The following CNOT7 variants were observed in gnomAD, a reference collection of about 807,000 sequenced individuals.
CNOT7 encodes BTG1-binding factor 1.
Under a neutral mutation model 37.1 loss-of-function variants are expected in CNOT7, and 4 were observed. The observed-to-expected ratio is 0.11, with a 90% CI of 0.05 to 0.25. The LOEUF (loss-of-function observed/expected upper bound fraction) is 0.25. Ranked by LOEUF, CNOT7 falls within the 10% of genes least tolerant of loss-of-function variation. The probability of loss-of-function intolerance (pLI) is 1.00; values close to 1 mark genes in which losing one functional copy is unlikely to be tolerated. For missense variants in CNOT7, 170 were observed against 336.2 expected (o/e 0.51, Z 3.87); for synonymous variants, 128 against 115.6 (o/e 1.11, Z -0.69).
intron 1 of CNOT7, chr8:17,245,987 A>T (rs1327113205): frequency 1.3e-5 from 2 of 151,978 alleles, no homozygotes; most frequent in African/African-American, 4.8e-5. Flanking sequence ...AGAGGGTCTT[A>T]TGACTGTCTT....
chr8:17,237,411 C>G (rs776697418), intron 3 of CNOT7, 38 bp from the exon 4 acceptor site: 10 of 1,597,852 alleles, frequency 6.3e-6, no homozygotes, highest in Non-Finnish European at 8.6e-6. Flanking sequence ...TCAAACATGC[C>G]ATTACTTCAA....
In CNOT7 at chr8:17,234,693, GATA is replaced by G; in HGVS notation, c.618+20_618+22del. 6.2e-7 allele frequency: 1 copy of G among 1,612,908 alleles called. No individual in the cohort carries two copies. The highest frequency in any genetic ancestry group is 8.5e-7 in the Non-Finnish European group (1 of 1,179,044). The stretch of plus-strand genomic sequence containing the variant: ...TTGGTCTGAACAGTGTGCTGCTGTA[GATA>G]ATGCCATCCGAAGCCTTACTTTGAG... On this transcript the variant is annotated intron_variant, in intron 5 of 6. Coordinates refer to ENST00000361272, the MANE Select transcript of CNOT7 (RefSeq NM_013354.7).
At position 17,246,698 on chromosome 8, in the gene CNOT7, T is replaced by C. The variant is rs1389888083; in HGVS notation, c.-119A>G. ...ACTTGTGTCGCTGAGCTCGCGCTCC[T>C]CCTCCTCCTCCTCGCCATAGAGACA... On this transcript the variant is annotated 5_prime_UTR_variant, in exon 1 of 7. Transcript: ENST00000361272. The C allele has an allele frequency of 5.7e-6, 1 of 176,716 alleles. No homozygotes were observed. The highest frequency in any genetic ancestry group is 1.2e-5 in the Non-Finnish European group (1 of 82,848). The allele number at this position is 176,716 out of a possible 1,614,324, so 10.9% of individuals were successfully genotyped here. A position where few individuals can be genotyped will look rare whatever the true frequency, so the allele number is the denominator to read the frequency against.
At chr8:17,232,101 C>T (rs998581261) in intron 6 of CNOT7, 5 of 981,336 alleles carry the variant, frequency 5.1e-6, no homozygotes, top group Non-Finnish European at 6.3e-6. Context: ...CTGGAGTTCT[C>T]CCACTAGTAA....
chr8:17,246,810 G>C lies in CNOT7; in HGVS notation c.-231C>G, dbSNP rs894781318. 1 of 210,400 alleles carries C rather than the reference G, an allele frequency of 4.8e-6. No individual in the cohort carries two copies. 13.0% of individuals were successfully genotyped at this position (210,400 alleles called of 1,614,324 possible). On this transcript the variant is annotated 5_prime_UTR_variant, in exon 1 of 7. Coordinates refer to ENST00000361272, the MANE Select transcript of CNOT7 (RefSeq NM_013354.7). ...ACACCTCTCGCCCAGCGAAGGGAAAGGCGAGCAGGAGCTGCGCCGCACCGT... is the reference window on the plus strand; with the variant it reads ...ACACCTCTCGCCCAGCGAAGGGAAACGCGAGCAGGAGCTGCGCCGCACCGT...
Position 17,243,110 on chromosome 8 carries a change from A to G in CNOT7, c.193T>C (p.Leu65=), listed in dbSNP as rs201626885. 27 of 1,611,774 alleles carry G rather than the reference A, an allele frequency of 1.7e-5. No homozygotes were observed. In the East Asian group the frequency reaches 2.5e-4, roughly 15 times the overall value. The change falls in exon 3 of 7, where the codon TTG becomes CTG. Residue 65 remains leucine (L), a synonymous_variant. Transcript: ENST00000361272. ...TTTAACAAGTCTACATTACACCGCA[A>G]TAGTTGGTATTGATAGTCAGCATTG... ...RSNADYQYQL[L]RCNVDLLKII... is the part of the protein sequence containing the mutation.
At position 17,226,071 on chromosome 8, in the gene CNOT7, C is replaced by CAA. The variant is rs1293588695; in HGVS notation, c.*4647_*4648dup. On this transcript the variant is annotated 3_prime_UTR_variant, in exon 7 of 7. Transcript: ENST00000361272. ...TTTTTTTTTTGAAAAGGGCAGGTAGCAAATATTAGAGGCTTTGCAAGCTAA... is the reference window on the plus strand; with the variant it reads ...TTTTTTTTTTGAAAAGGGCAGGTAGCAAAAATATTAGAGGCTTTGCAAGCTAA... The CAA allele has an allele frequency of 9.4e-6, 1 of 106,364 alleles. No individual in the cohort carries two copies. Among genetic ancestry groups the CAA allele is most frequent in the Non-Finnish European group, 1.8e-5 (1 of 56,952 alleles). The allele number at this position is 106,364 out of a possible 1,614,324, so 6.6% of individuals were successfully genotyped here.
chr8:17,244,790 A>C (rs1310704045), intron 2 of CNOT7: 4 of 398,788 alleles, frequency 1.0e-5, no homozygotes, highest in African/African-American at 6.2e-5. Context: ...CCTAACTCTT[A>C]TTCAAACGGC....
intron 3 of CNOT7, 138 bp from the exon 4 acceptor site, chr8:17,237,511 T>C (rs1809539326): frequency 3.0e-6 from 2 of 660,314 alleles, no homozygotes; most frequent in South Asian, 4.6e-5. Context: ...ATGCTTTATA[T>C]ATATGCAAGA....
In CNOT7 at chr8:17,230,620, G is replaced by C; in HGVS notation, c.*100C>G. ...CAATAAAATGGGCCATGAAAGGGGG[G>C]GGAAAGGTACTGTCTATTGTTCGAG... On this transcript the variant is annotated 3_prime_UTR_variant, in exon 7 of 7. Transcript: ENST00000361272. The C allele has an allele frequency of 2.0e-6, 2 of 986,788 alleles. No homozygotes were observed. The highest frequency in any genetic ancestry group is 2.8e-6 in the Non-Finnish European group (2 of 705,726). The allele number at this position is 986,788 out of a possible 1,614,324, so 61.1% of individuals were successfully genotyped here.
intron 3 of CNOT7, chr8:17,242,567 G>A (rs555570290): frequency 6.5e-6 from 1 of 153,876 alleles, no homozygotes; most frequent in African/African-American, 2.4e-5. Flanking sequence ...CGTACCCAAG[G>A]TTCCAGAAAA....
rs1019471883 is a variant in CNOT7, at chr8:17,229,444, T to C, written c.*1276A>G. The C allele has an allele frequency of 6.6e-6, 1 of 152,298 alleles. No individual in the cohort carries two copies. The highest frequency in any genetic ancestry group is 2.4e-5 in the African/African-American group (1 of 41,400). 9.4% of individuals were successfully genotyped at this position (152,298 alleles called of 1,614,324 possible). A position where few individuals can be genotyped will look rare whatever the true frequency, so the allele number is the denominator to read the frequency against. ...AAGTGTAGGTAACACACATTATAAC[T>C]TGTAGTCCATCATTTCGGGGTAGAG... On this transcript the variant is annotated 3_prime_UTR_variant, in exon 7 of 7. Coordinates refer to ENST00000361272, the MANE Select transcript of CNOT7 (RefSeq NM_013354.7).
rs1242268903 is a variant in CNOT7, at chr8:17,235,823, GATAA to G, written c.474-967_474-964del. The stretch of plus-strand genomic sequence containing the variant: ...TTAATGGAATAAAATCTTCTATCTT[GATAA>G]ATATTCAAATATATCAGTCTAACTT... On this transcript the variant is annotated intron_variant, in intron 4 of 6. Transcript: ENST00000361272. Among the ~76,000 whole-genome samples, 5 of 152,268 alleles carry G rather than the reference GATAA, an allele frequency of 3.3e-5. No homozygotes were observed. The East Asian group carries it at 5.8e-4, about 18-fold the overall frequency.
rs1238136554 is a variant in CNOT7 at position 17,228,376 on chromosome 8, G to C, written c.*2344C>G. On this transcript the variant is annotated 3_prime_UTR_variant, in exon 7 of 7. Transcript: ENST00000361272. ...GAACAAAATAAAAAAGTAAAACTTAGACCCAGTAAAAGTCAAAATGTTCCT... is the reference window on the plus strand; with the variant it reads ...GAACAAAATAAAAAAGTAAAACTTACACCCAGTAAAAGTCAAAATGTTCCT... The C allele has an allele frequency of 6.6e-6, 1 of 151,826 alleles. No homozygotes were observed. The allele number at this position is 151,826 out of a possible 1,614,324, so 9.4% of individuals were successfully genotyped here.
intron 2 of CNOT7, chr8:17,243,690 A>G (rs1280897160): frequency 2.2e-6 from 1 of 455,410 alleles, no homozygotes; most frequent in Admixed American, 2.4e-5. Context: ...AGTCCACAGA[A>G]AGCATGCTGT....
intron 4 of CNOT7, among the ~76,000 whole-genome samples, chr8:17,236,925 C>G (rs181203036): frequency 6.6e-6 from 1 of 152,128 alleles, no homozygotes; most frequent in Non-Finnish European, 1.5e-5. Flanking sequence ...CTGGGTAACA[C>G]CAATTCCAAA....
rs1808123451 is a variant in CNOT7 at position 17,225,968 on chromosome 8, G to A, written c.*4752C>T. 9.3e-6 allele frequency: 1 copy of A among 107,900 alleles called. No individual in the cohort carries two copies. The highest frequency in any genetic ancestry group is 1.7e-5 in the Non-Finnish European group (1 of 59,514). 6.7% of individuals were successfully genotyped at this position (107,900 alleles called of 1,614,324 possible). ...AGCCACTGCATTTGGCAATGCAGAT[G>A]AAATAGCAAACAGGACAGACATAGA... On this transcript the variant is annotated 3_prime_UTR_variant, in exon 7 of 7. Transcript: ENST00000361272.
chr8:17,239,218 A>T, intron 3 of CNOT7, among the ~76,000 whole-genome samples: 1 of 151,952 alleles, frequency 6.6e-6, no homozygotes, highest in East Asian at 1.9e-4. Context: ...ATGCCTGGCT[A>T]ATTTTTCTAT....
intron 3 of CNOT7, among the ~76,000 whole-genome samples, chr8:17,240,414 G>C (rs1012835020): frequency 2.0e-5 from 3 of 151,674 alleles, no homozygotes; most frequent in African/African-American, 7.3e-5. Context: ...TGTGGCCCAA[G>C]ACAATTCTTC....
Sources: gnomAD v4.1 joint callset for allele counts (sites outside exome capture counted in the v4.1 genomes callset) on GRCh38, gnomAD v4.1.1 for gene constraint, MANE v1.5 for transcripts, NCBI Gene and HGNC (gene_info 2026-07-23, HGNC 2026-07-21) for gene names.